CD226: variants seen among roughly 807,000 people sequenced by gnomAD.
The protein encoded by CD226 is CD226 antigen.
In CD226, 24 loss-of-function variants were observed where a neutral mutation model predicts 34.9. The ratio of observed to expected loss-of-function variants is 0.69; its 90% CI spans 0.50 to 0.97. The LOEUF is 0.97. Among genes scored for constraint, CD226 ranks in the 50% least tolerant of loss-of-function variants. The pLI is 0.00. For missense variants in CD226, 397 were observed against 412.7 expected (o/e 0.96, Z 0.33); for synonymous variants, 148 against 147.4 (o/e 1.00, Z -0.03).
intron 2 of CD226, among the ~76,000 whole-genome samples, chr18:69,919,484 A>G (rs1418030213): frequency 6.6e-6 from 1 of 152,256 alleles, no homozygotes; most frequent in African/African-American, 2.4e-5. Flanking sequence ...TCATCCAGGA[A>G]GTAGACAAAA....
At chr18:69,934,279 TACAC>T (rs760259895) in intron 2 of CD226, among the ~76,000 whole-genome samples, 13 of 73,210 alleles carry the variant, frequency 1.8e-4, no homozygotes, top group East Asian at 1.0e-3. Context: ...ACACAGAGGA[TACAC>T]ACACACACAC....
intron 2 of CD226, among the ~76,000 whole-genome samples, chr18:69,931,657 T>C (rs1247045609): frequency 6.6e-6 from 1 of 152,200 alleles, no homozygotes; most frequent in African/African-American, 2.4e-5. Context: ...GAGCCAAAGC[T>C]CTGGCAGTTG....
chr18:69,915,723 C>T (rs538759235), intron 2 of CD226, among the ~76,000 whole-genome samples: 4 of 152,146 alleles, frequency 2.6e-5, no homozygotes, highest in South Asian at 4.1e-4. Flanking sequence ...CCGAAGTCTG[C>T]AATTTAATTT....
At position 69,856,160 on chromosome 18, in the gene CD226, A is replaced by G. The variant is rs1413143146; in HGVS notation, c.*8154T>C. Reference sequence around the variant, plus strand: ...TTTTAAAAAACTGAAAGTTATGTTAATATCAGAAAAAGCAGACAGAACAAG... The same window carrying G: ...TTTTAAAAAACTGAAAGTTATGTTAGTATCAGAAAAAGCAGACAGAACAAG... On this transcript the variant is annotated 3_prime_UTR_variant, in exon 6 of 6. Coordinates refer to ENST00000582621, the MANE Select transcript of CD226 (RefSeq NM_001303618.2). 1.3e-5 allele frequency: 2 copies of G among 152,172 alleles called. No individual in the cohort carries two copies. The highest frequency in any genetic ancestry group is 2.9e-5 in the Non-Finnish European group (2 of 68,002). 9.4% of individuals were successfully genotyped at this position (152,172 alleles called of 1,614,324 possible).
intron 2 of CD226, among the ~76,000 whole-genome samples, chr18:69,924,335 T>C (rs2055493005): frequency 6.6e-6 from 1 of 152,086 alleles, no homozygotes; most frequent in African/African-American, 2.4e-5. Context: ...TTATATTGCA[T>C]TGCGGAATGA....
upstream of CD226, among the ~76,000 whole-genome samples, chr18:69,949,152 T>C (rs921736483): frequency 2.0e-5 from 3 of 152,022 alleles, no homozygotes; most frequent in Admixed American, 6.5e-5. Context: ...AACGTAGCAA[T>C]CAGAAACCGC....
chr18:69,902,771 C>G (rs1335569178), intron 2 of CD226, among the ~76,000 whole-genome samples: 1 of 151,922 alleles, frequency 6.6e-6, no homozygotes, highest in African/African-American at 2.4e-5. Flanking sequence ...TTCAAATAGA[C>G]TAAAAATTAA....
rs767618916 is a variant in CD226 at position 69,867,409 on chromosome 18, C to T, written c.833G>A (p.Arg278Lys). 1.1e-5 allele frequency: 17 copies of T among 1,556,038 alleles called. No homozygotes were observed. The Admixed American group carries it at 2.8e-4, about 26-fold the overall frequency. Reference protein sequence around the residue: ...TTIIVIFLNRRRRRERRDLFT... With the variant: ...TTIIVIFLNRKRRRERRDLFT... ...TAGATCTCTTCTCTCTCTCCTTCTC[C>T]TTCTGGAATGCATATTCAATAAAGG... is the stretch of plus-strand genomic sequence containing the variant. The change falls in exon 5 of 6, where the codon AGG (arginine) becomes AAG (lysine). Residue 278 changes from arginine to lysine, a missense_variant and splice_region_variant. Coordinates refer to ENST00000582621, the MANE Select transcript of CD226 (RefSeq NM_001303618.2).
At chr18:69,867,452 TCC>T in intron 4 of CD226, 41 bp from the exon 5 acceptor site, 1 of 1,247,602 alleles carries the variant, frequency 8.0e-7, no homozygotes, top group Non-Finnish European at 1.2e-6. Flanking sequence ...GATATGATAT[TCC>T]AGTACTAATA....
At chr18:69,935,679 T>G (rs761676292) in intron 2 of CD226, among the ~76,000 whole-genome samples, 6 of 152,186 alleles carry the variant, frequency 3.9e-5, no homozygotes, top group Non-Finnish European at 8.8e-5. Context: ...TCTTGATCAC[T>G]GAGAGTTGAA....
chr18:69,858,726 T>TTTTTTTTTTTTTTTTTG lies in CD226; in HGVS notation c.*5587_*5588insCAAAAAAAAAAAAAAAA, dbSNP rs1982686775. The TTTTTTTTTTTTTTTTTG allele has an allele frequency of 8.4e-6, 1 of 119,668 alleles. No homozygotes were observed. Among genetic ancestry groups the TTTTTTTTTTTTTTTTTG allele is most frequent in the South Asian group, 3.3e-4 (1 of 3,036 alleles). The allele number at this position is 119,668 out of a possible 1,614,324, so 7.4% of individuals were successfully genotyped here. On this transcript the variant is annotated 3_prime_UTR_variant, in exon 6 of 6. Transcript: ENST00000582621. ...TATGTTCAAATACTTAACTTTTTTT[T>TTTTTTTTTTTTTTTTTG]TTTTTTTTTTTTTTTTTTTTTGAGA... is the stretch of plus-strand genomic sequence containing the variant.
intron 2 of CD226, among the ~76,000 whole-genome samples, chr18:69,903,717 G>A (rs1050362447): frequency 6.6e-6 from 1 of 152,014 alleles, no homozygotes; most frequent in African/African-American, 2.4e-5. Flanking sequence ...ATGCTTCCAC[G>A]AGCCAAGGAA....
chr18:69,876,944 A>G (rs1288951330), intron 3 of CD226, among the ~76,000 whole-genome samples: 1 of 138,182 alleles, frequency 7.2e-6, no homozygotes, highest in Non-Finnish European at 1.5e-5. Context: ...GCTCGCTGCA[A>G]TCTCCGCCTC....
rs59216052 is a variant in CD226 at position 69,861,554 on chromosome 18, G to GTGTGTATATATATA, written c.*2759_*2760insTATATATATACACA. ...ATAAATTATATGTGTATATATATAT[G>GTGTGTATATATATA]TATATATATATATATATATGTAAAA... On this transcript the variant is annotated 3_prime_UTR_variant, in exon 6 of 6. Transcript: ENST00000582621. 1 of 127,948 alleles carries GTGTGTATATATATA rather than the reference G, an allele frequency of 7.8e-6. No individual in the cohort carries two copies. Among genetic ancestry groups the GTGTGTATATATATA allele is most frequent in the Non-Finnish European group, 1.7e-5 (1 of 60,364 alleles). 7.9% of individuals were successfully genotyped at this position (127,948 alleles called of 1,614,324 possible). A position where few individuals can be genotyped will look rare whatever the true frequency, so the allele number is the denominator to read the frequency against.
At chr18:69,882,345 T>C (rs1303213341) in intron 3 of CD226, among the ~76,000 whole-genome samples, 1 of 152,212 alleles carries the variant, frequency 6.6e-6, no homozygotes, top group Non-Finnish European at 1.5e-5. Flanking sequence ...TACCCTAAGA[T>C]AGCTTGTGTG....
chr18:69,875,676 G>C (rs191653738), intron 3 of CD226, among the ~76,000 whole-genome samples: 5 of 152,304 alleles, frequency 3.3e-5, no homozygotes, highest in Non-Finnish European at 7.4e-5. Context: ...CTATTGGCCA[G>C]TGTTATGTCT....
chr18:69,887,083 A>G (rs1984600718), intron 3 of CD226, among the ~76,000 whole-genome samples: 1 of 152,260 alleles, frequency 6.6e-6, no homozygotes, highest in African/African-American at 2.4e-5. Context: ...ATTAGATTTC[A>G]AAACTGATAC....
intron 5 of CD226, among the ~76,000 whole-genome samples, 154 bp from the exon 6 acceptor site, chr18:69,864,593 C>T (rs960972657): frequency 6.6e-6 from 1 of 152,194 alleles, no homozygotes; most frequent in Non-Finnish European, 1.5e-5. Flanking sequence ...TATTGAACTT[C>T]TGTTGGAAAT....
intron 2 of CD226, among the ~76,000 whole-genome samples, chr18:69,901,761 C>T (rs2055187992): frequency 6.6e-6 from 1 of 151,978 alleles, no homozygotes; most frequent in African/African-American, 2.4e-5. Flanking sequence ...TGCCTGTAGT[C>T]CCAGCTACTC....
Sources: allele counts gnomAD v4.1 joint callset (sites outside exome capture counted in the v4.1 genomes callset), GRCh38; gene constraint gnomAD v4.1.1; transcripts MANE v1.5; gene names NCBI Gene and HGNC (gene_info 2026-07-23, HGNC 2026-07-21).